The following GPHN variants were observed in gnomAD, a reference collection of about 807,000 sequenced individuals.
GPHN encodes gephyrin.
In GPHN, 17 loss-of-function variants were observed where a neutral mutation model predicts 95.5. The observed-to-expected ratio is 0.18, with a 90% CI of 0.12 to 0.27. The LOEUF (loss-of-function observed/expected upper bound fraction) is 0.27, where lower values mean the gene tolerates loss of function less well. Ranked by LOEUF, GPHN falls within the 10% of genes least tolerant of loss-of-function variation. The pLI is 1.00. For synonymous variants in GPHN, 320 were observed against 322.5 expected (o/e 0.99, Z 0.08); for missense variants, 660 against 978.1 (o/e 0.67, Z 4.34).
chr14:67,570,369 A>G, the GPHN span: 1 of 847,404 alleles, frequency 1.2e-6, no homozygotes, highest in African/African-American at 1.8e-5. Context: ...CCGTAACGTC[A>G]CTACATTTTA....
chr14:66,831,452 C>T (rs10483790), intron 4 of GPHN, among the ~76,000 whole-genome samples: 6,603 of 152,202 alleles, frequency 0.043, 187 homozygotes, highest in Middle Eastern at 0.068. Context: ...TTCCATCCCT[C>T]TACAGTCAGA....
intron 18 of GPHN, among the ~76,000 whole-genome samples, chr14:67,144,254 T>A (rs571411607): frequency 0.064 from 4,790 of 74,674 alleles, 329 homozygotes; most frequent in Non-Finnish European, 0.07. Flanking sequence ...AAAAAAAATA[T>A]ATATATATAT....
the GPHN span, chr14:67,392,860 G>A: frequency 1.2e-6 from 2 of 1,602,564 alleles, no homozygotes; most frequent in East Asian, 2.2e-5. Context: ...CTGGCCAAGG[G>A]CAGCACCAGT....
the GPHN span, among the ~76,000 whole-genome samples, chr14:67,638,802 A>T: frequency 6.6e-6 from 1 of 152,188 alleles, no homozygotes; most frequent in Admixed American, 6.5e-5. Context: ...AGGCTTTCAG[A>T]CCCAGACTCA....
intron 1 of GPHN, among the ~76,000 whole-genome samples, chr14:66,575,778 G>A (rs1242829892): frequency 6.6e-6 from 1 of 152,130 alleles, no homozygotes; most frequent in Non-Finnish European, 1.5e-5. Flanking sequence ...GTCTATGGGG[G>A]GCTGGCCTGT....
At chr14:66,752,349 T>G (rs2058398518) in intron 2 of GPHN, among the ~76,000 whole-genome samples, 1 of 152,184 alleles carries the variant, frequency 6.6e-6, no homozygotes, top group East Asian at 1.9e-4. Context: ...GCTTTTGACA[T>G]GCTTTCTTCT....
At chr14:67,125,490 A>G (rs1336582839) in intron 17 of GPHN, among the ~76,000 whole-genome samples, 1 of 152,190 alleles carries the variant, frequency 6.6e-6, no homozygotes, top group East Asian at 1.9e-4. Context: ...AAGAATGTCA[A>G]TAAGGGCGAG....
intron 1 of GPHN, among the ~76,000 whole-genome samples, chr14:66,588,820 T>C (rs2061524575): frequency 2.0e-5 from 3 of 152,084 alleles, no homozygotes; most frequent in Admixed American, 2.0e-4. Context: ...CAGGATATTA[T>C]CCAGGAGAAC....
intron 5 of GPHN, among the ~76,000 whole-genome samples, chr14:66,898,899 T>C (rs2064995409): frequency 6.6e-6 from 1 of 151,984 alleles, no homozygotes; most frequent in Non-Finnish European, 1.5e-5. Flanking sequence ...ATTTCTTTTA[T>C]TGCAGTTTTC....
the GPHN span, among the ~76,000 whole-genome samples, chr14:67,456,374 G>A: frequency 2.0e-5 from 3 of 152,160 alleles, no homozygotes; most frequent in Non-Finnish European, 4.4e-5. Context: ...GCTGAGGTGG[G>A]TGGGTCACCT....
At chr14:67,674,329 G>C in the GPHN span, 1 of 1,486,776 alleles carries the variant, frequency 6.7e-7, no homozygotes, top group Non-Finnish European at 9.0e-7. Context: ...TCCTTCCAAA[G>C]CGCGCAGGGC....
At chr14:66,715,243 A>G (rs1447688317) in intron 2 of GPHN, among the ~76,000 whole-genome samples, 1 of 152,048 alleles carries the variant, frequency 6.6e-6, no homozygotes, top group East Asian at 1.9e-4. Context: ...CATCTCTTCT[A>G]GGTGTTCTAG....
At chr14:66,706,790 A>T (rs896175493) in intron 2 of GPHN, among the ~76,000 whole-genome samples, 4 of 152,222 alleles carry the variant, frequency 2.6e-5, no homozygotes, top group South Asian at 4.1e-4. Flanking sequence ...AAGCAATTGC[A>T]ACAAAACCCA....
the GPHN span, among the ~76,000 whole-genome samples, chr14:67,314,897 C>G: frequency 1.3e-5 from 2 of 152,076 alleles, no homozygotes; most frequent in African/African-American, 4.8e-5. Flanking sequence ...TTGAGACTAG[C>G]CTGGGCCACA....
the GPHN span, among the ~76,000 whole-genome samples, chr14:67,250,123 T>A: frequency 6.7e-6 from 1 of 149,430 alleles, no homozygotes. Context: ...AAACCATTGA[T>A]GTAGATAGAC....
intron 2 of GPHN, among the ~76,000 whole-genome samples, chr14:66,765,967 ACTAG>A (rs1181376089): frequency 2.6e-5 from 4 of 152,154 alleles, no homozygotes; most frequent in African/African-American, 9.7e-5. Flanking sequence ...TTCTATGAAA[ACTAG>A]CTAGAATACA....
the GPHN span, chr14:67,678,520 A>C: frequency 1.3e-6 from 1 of 742,398 alleles, no homozygotes; most frequent in African/African-American, 1.7e-5. Flanking sequence ...ACTAGGGATC[A>C]CATGTTCTCC....
the GPHN span, among the ~76,000 whole-genome samples, chr14:67,219,551 C>A: frequency 6.6e-6 from 1 of 152,134 alleles, no homozygotes; most frequent in Non-Finnish European, 1.5e-5. Flanking sequence ...TCTACACTAC[C>A]CCTTAATAGC....
At chr14:66,866,582 C>T (rs932580135) in intron 4 of GPHN, among the ~76,000 whole-genome samples, 2 of 152,194 alleles carry the variant, frequency 1.3e-5, no homozygotes, top group Middle Eastern at 3.4e-3. Context: ...GTGATGCTAA[C>T]GAGTGTTCAC....
Sources: gnomAD v4.1 joint callset for allele counts (sites outside exome capture counted in the v4.1 genomes callset) on GRCh38, gnomAD v4.1.1 for gene constraint, MANE v1.5 for transcripts, NCBI Gene and HGNC (gene_info 2026-07-23, HGNC 2026-07-21) for gene names.